ATAD2B: variants seen among roughly 807,000 people sequenced by gnomAD.
The protein encoded by ATAD2B is ATPase family AAA domain containing 2B, also known as ATPase family AAA domain-containing protein 2B.
Under a neutral mutation model 167.6 loss-of-function variants are expected in ATAD2B, and 40 were observed. The observed-to-expected ratio is 0.24, with a 90% CI of 0.19 to 0.31. The LOEUF (loss-of-function observed/expected upper bound fraction) is 0.31, where lower values mean the gene tolerates loss of function less well. Ranked by LOEUF, ATAD2B falls within the 10% of genes least tolerant of loss-of-function variation. The probability of loss-of-function intolerance (pLI) is 1.00; values close to 1 mark genes in which losing one functional copy is unlikely to be tolerated. For synonymous variants in ATAD2B, 579 were observed against 596.5 expected (o/e 0.97, Z 0.43); for missense variants, 1,242 against 1,757.2 (o/e 0.71, Z 5.24).
intron 13 of ATAD2B, among the ~76,000 whole-genome samples, chr2:23,838,264 A>G: frequency 6.6e-6 from 1 of 152,180 alleles, no homozygotes; most frequent in East Asian, 1.9e-4. Flanking sequence ...CCTCAAATAT[A>G]AATTCATATT....
chr2:23,787,585 C>T (rs1681013447), intron 20 of ATAD2B, among the ~76,000 whole-genome samples: 1 of 151,364 alleles, frequency 6.6e-6, no homozygotes. Flanking sequence ...AAAGGAGCCA[C>T]TAAAGAACAA....
At chr2:23,833,873 T>C in intron 14 of ATAD2B, 46 bp downstream of exon 14, 2 of 1,435,504 alleles carry the variant, frequency 1.4e-6, no homozygotes, top group Non-Finnish European at 9.5e-7. Context: ...TGCCTTATAG[T>C]AGAATTACAT....
chr2:23,901,331 T>C (rs1041351669), intron 1 of ATAD2B, among the ~76,000 whole-genome samples: 4 of 151,848 alleles, frequency 2.6e-5, no homozygotes, highest in Admixed American at 6.6e-5. Flanking sequence ...AATTTGATCA[T>C]TCATCTTCAA....
At chr2:23,865,021 G>A (rs763716936) in intron 10 of ATAD2B, 97 bp from the exon 11 acceptor site, 257 of 629,556 alleles carry the variant, frequency 4.1e-4, no homozygotes, top group Non-Finnish European at 5.9e-4. Flanking sequence ...AGAAATACAT[G>A]CCTTTAGCAG....
intron 19 of ATAD2B, among the ~76,000 whole-genome samples, chr2:23,796,140 G>A (rs148015078): frequency 1.4e-4 from 22 of 152,240 alleles, no homozygotes; most frequent in East Asian, 1.9e-4. Flanking sequence ...CAAACTATTA[G>A]TATAAAACAT....
At chr2:23,915,584 T>G (rs1036552479) in intron 1 of ATAD2B, among the ~76,000 whole-genome samples, 1 of 127,992 alleles carries the variant, frequency 7.8e-6, no homozygotes, top group Non-Finnish European at 1.6e-5. Context: ...TGACTACCGA[T>G]TCTTTTTTTT....
chr2:23,776,869 T>C (rs1679220363), intron 22 of ATAD2B, among the ~76,000 whole-genome samples: 1 of 152,192 alleles, frequency 6.6e-6, no homozygotes, highest in Non-Finnish European at 1.5e-5. Flanking sequence ...ACTTTCTATA[T>C]AGTAGGGATT....
In ATAD2B at chr2:23,895,829, C is replaced by T. The variant is rs747761903; in HGVS notation, c.358G>A (p.Gly120Arg). 9.9e-6 allele frequency: 16 copies of T among 1,608,678 alleles called. 1 individual carries two copies. The South Asian group carries it at 1.4e-4, about 14-fold the overall frequency. ...GQREEWNLST[G>R]QARLTSQPGA... ...GTTCTCCTTTCTCACCTGGCCTGTC[C>T]AGTTGATAAGTTCCATTCCTCTCGC... The change falls in exon 2 of 28, where the codon GGA (glycine) becomes AGA (arginine). Residue 120 changes from glycine (G) to arginine (R), a missense_variant. Gly to Arg is a moderately radical substitution (Grantham distance 125, BLOSUM62 -2). Coordinates refer to ENST00000238789, the MANE Select transcript of ATAD2B (RefSeq NM_017552.4).
At chr2:23,810,228 A>G in intron 18 of ATAD2B, 88 bp downstream of exon 18, 1 of 1,178,580 alleles carries the variant, frequency 8.5e-7, no homozygotes, top group Non-Finnish European at 1.2e-6. Flanking sequence ...CTCTGAAAAA[A>G]TCTTATCTTT....
intron 13 of ATAD2B, among the ~76,000 whole-genome samples, chr2:23,837,357 C>T (rs562751173): frequency 6.6e-6 from 1 of 152,346 alleles, no homozygotes; most frequent in African/African-American, 2.4e-5. Context: ...CCCCAGAGTG[C>T]AGGAATGCCA....
intron 1 of ATAD2B, among the ~76,000 whole-genome samples, chr2:23,906,256 A>C (rs1430511216): frequency 4.0e-5 from 6 of 151,830 alleles, no homozygotes; most frequent in Non-Finnish European, 7.4e-5. Flanking sequence ...CAGGAGAATC[A>C]CTTGAACCTG....
At chr2:23,745,181 C>T (rs750908497), downstream of ATAD2B, among the ~76,000 whole-genome samples, 3 of 151,784 alleles carry the variant, frequency 2.0e-5, no homozygotes, top group South Asian at 2.1e-4. Context: ...CAGCTACCCA[C>T]GAGGCTGAGG....
chr2:23,869,806 CAA>C (rs752402210), intron 8 of ATAD2B, 45 bp from the exon 9 acceptor site: 1 of 1,310,286 alleles, frequency 7.6e-7, no homozygotes, highest in South Asian at 1.3e-5. Flanking sequence ...TAATAGCAAA[CAA>C]CTTTTTAAAA....
chr2:23,767,226 C>T (rs1266098935), intron 22 of ATAD2B, among the ~76,000 whole-genome samples: 1 of 152,106 alleles, frequency 6.6e-6, no homozygotes, highest in African/African-American at 2.4e-5. Context: ...CCTGCTCTGT[C>T]ATAACCATTT....
intron 1 of ATAD2B, among the ~76,000 whole-genome samples, chr2:23,918,617 G>T (rs1178611720): frequency 6.6e-6 from 1 of 151,950 alleles, no homozygotes; most frequent in South Asian, 2.1e-4. Flanking sequence ...CATACTTTCA[G>T]TCCCAATATA....
the ATAD2B span, chr2:23,685,404 C>A: frequency 2.0e-5 from 3 of 152,370 alleles, no homozygotes; most frequent in Non-Finnish European, 4.4e-5. Context: ...ATTAACGCCG[C>A]TGCTCCTCTT....
At chr2:23,845,027 T>A (rs183095918) in intron 13 of ATAD2B, among the ~76,000 whole-genome samples, 28 of 151,898 alleles carry the variant, frequency 1.8e-4, no homozygotes, top group Admixed American at 3.3e-4. Flanking sequence ...AATAAAAGCA[T>A]AATTCATTAC....
At chr2:23,736,948 G>T in the ATAD2B span, among the ~76,000 whole-genome samples, 1 of 152,222 alleles carries the variant, frequency 6.6e-6, no homozygotes, top group African/African-American at 2.4e-5. Flanking sequence ...CTCATTGCTA[G>T]CACAGCGGTC....
intron 13 of ATAD2B, among the ~76,000 whole-genome samples, chr2:23,836,795 G>T (rs949659992): frequency 5.9e-5 from 9 of 152,158 alleles, no homozygotes; most frequent in Admixed American, 1.3e-4. Context: ...CCTCTCTGAA[G>T]TTGGTCCTCC....
Sources: allele counts gnomAD v4.1 joint callset (sites outside exome capture counted in the v4.1 genomes callset), GRCh38; gene constraint gnomAD v4.1.1; transcripts MANE v1.5; gene names NCBI Gene and HGNC (gene_info 2026-07-23, HGNC 2026-07-21).